The following DNAL1 variants were observed in gnomAD, a reference collection of about 807,000 sequenced individuals.
DNAL1 encodes the protein dynein axonemal light chain 1.
DNAL1 carries 17 observed loss-of-function variants against 29.4 expected under a neutral mutation model. That is an observed-to-expected ratio of 0.58 (90% confidence interval 0.40 to 0.87). The LOEUF (loss-of-function observed/expected upper bound fraction) is 0.87, where lower values mean the gene tolerates loss of function less well. Among genes scored for constraint, DNAL1 ranks in the 40% least tolerant of loss-of-function variants. The pLI is 0.00. For missense variants in DNAL1, 188 were observed against 214.1 expected (o/e 0.88, Z 0.76); for synonymous variants, 78 against 76.3 (o/e 1.02, Z -0.12).
At chr14:73,655,954 A>AT (rs1183659630) in intron 2 of DNAL1, among the ~76,000 whole-genome samples, 3 of 152,228 alleles carry the variant, frequency 2.0e-5, no homozygotes, top group African/African-American at 7.2e-5. Context: ...TATAGACAGA[A>AT]TTTCTATAGA....
At chr14:73,671,378 A>G (rs954562341) in intron 4 of DNAL1, among the ~76,000 whole-genome samples, 164 bp from the exon 5 acceptor site, 4 of 152,162 alleles carry the variant, frequency 2.6e-5, no homozygotes, top group African/African-American at 4.8e-5. Context: ...TGATAGGTCA[A>G]TGTTATTTCT....
At chr14:73,688,034 G>A (rs62004933) in intron 6 of DNAL1, among the ~76,000 whole-genome samples, 10 of 151,654 alleles carry the variant, frequency 6.6e-5, no homozygotes, top group African/African-American at 2.4e-4. Context: ...AAAAAATTAG[G>A]ATGAACGTAA....
At chr14:73,649,428 G>A (rs370132953) in intron 1 of DNAL1, among the ~76,000 whole-genome samples, 22 of 150,974 alleles carry the variant, frequency 1.5e-4, no homozygotes, top group African/African-American at 3.1e-4. Context: ...GACTACAGGC[G>A]CCTGCCACCA....
At chr14:73,650,664 G>A (rs1022848741) in intron 1 of DNAL1, among the ~76,000 whole-genome samples, 1 of 151,454 alleles carries the variant, frequency 6.6e-6, no homozygotes, top group African/African-American at 2.4e-5. Flanking sequence ...TTTTGGAGAC[G>A]GGAGTCTTGC....
intron 6 of DNAL1, among the ~76,000 whole-genome samples, chr14:73,689,026 G>GTTTTTT (rs71112794): frequency 2.2e-5 from 2 of 92,246 alleles, no homozygotes; most frequent in Non-Finnish European, 3.8e-5. Context: ...AAAACTTGCT[G>GTTTTTT]TTTTTTTTTT....
intron 7 of DNAL1, among the ~76,000 whole-genome samples, chr14:73,694,277 AATAAATAAAT>A (rs1185639651): frequency 6.8e-6 from 1 of 146,786 alleles, no homozygotes; most frequent in Non-Finnish European, 1.5e-5. Context: ...TAAATAAATA[AATAAATAAAT>A]AAAGTCTTCA....
At chr14:73,694,538 A>G (rs940104456) in intron 7 of DNAL1, among the ~76,000 whole-genome samples, 1 of 54,520 alleles carries the variant, frequency 1.8e-5, no homozygotes, top group Admixed American at 1.9e-4. Flanking sequence ...TGTTTCCTCT[A>G]CAGTGATTTT....
At chr14:73,654,922 A>G (rs781218978) in intron 2 of DNAL1, 37 bp downstream of exon 2, 9 of 1,532,770 alleles carry the variant, frequency 5.9e-6, no homozygotes, top group South Asian at 1.3e-5. Context: ...TAGAAACTGT[A>G]CAAGGAAAAA....
At chr14:73,648,033 A>G (rs761905848) in intron 1 of DNAL1, among the ~76,000 whole-genome samples, 4 of 152,240 alleles carry the variant, frequency 2.6e-5, no homozygotes, top group Admixed American at 6.5e-5. Flanking sequence ...GCTGGAGTGC[A>G]GTGGCACAAT....
At chr14:73,649,769 G>T (rs1476686724) in intron 1 of DNAL1, among the ~76,000 whole-genome samples, 1 of 151,572 alleles carries the variant, frequency 6.6e-6, no homozygotes, top group Non-Finnish European at 1.5e-5. Flanking sequence ...TTTTCTTATT[G>T]TATGCAGTTC....
intron 5 of DNAL1, among the ~76,000 whole-genome samples, chr14:73,685,966 C>G (rs1476598619): frequency 1.3e-5 from 2 of 152,012 alleles, no homozygotes; most frequent in African/African-American, 4.8e-5. Context: ...TGGCTGGATC[C>G]CCTGTTAAGT....
At chr14:73,681,555 G>T (rs1363436982) in intron 5 of DNAL1, among the ~76,000 whole-genome samples, 1 of 136,646 alleles carries the variant, frequency 7.3e-6, no homozygotes, top group Non-Finnish European at 1.5e-5. Flanking sequence ...ATCACTTAAG[G>T]CCAGTAGTTG....
At chr14:73,648,246 G>A (rs1258582391) in intron 1 of DNAL1, among the ~76,000 whole-genome samples, 1 of 151,534 alleles carries the variant, frequency 6.6e-6, no homozygotes, top group African/African-American at 2.4e-5. Flanking sequence ...CCAAAATGGT[G>A]GGATTGCAGG....
chr14:73,697,311 G>A lies in DNAL1; in HGVS notation c.*1369G>A, dbSNP rs1315262753. 2.0e-5 allele frequency: 3 copies of A among 152,156 alleles called. No homozygotes were observed. Among genetic ancestry groups the A allele is most frequent in the Non-Finnish European group, 4.4e-5 (3 of 68,038 alleles). 9.4% of individuals were successfully genotyped at this position (152,156 alleles called of 1,614,324 possible). A position where few individuals can be genotyped will look rare whatever the true frequency, so the allele number is the denominator to read the frequency against. On this transcript the variant is annotated 3_prime_UTR_variant, in exon 8 of 8. Transcript: ENST00000553645. Reference sequence around the variant, plus strand: ...TTGCATAAAATCACAGTGAAAGAGGGAAGAATCATCTTTAAAAAGTGATTG... The same window carrying A: ...TTGCATAAAATCACAGTGAAAGAGGAAAGAATCATCTTTAAAAAGTGATTG...
chr14:73,690,179 A>G (rs1407581900), intron 7 of DNAL1, among the ~76,000 whole-genome samples: 2 of 152,170 alleles, frequency 1.3e-5, no homozygotes, highest in Non-Finnish European at 2.9e-5. Context: ...CAGCCTTTGC[A>G]ATATAGTGAG....
chr14:73,694,355 G>A (rs1892248669), intron 7 of DNAL1, among the ~76,000 whole-genome samples: 1 of 152,160 alleles, frequency 6.6e-6, no homozygotes, highest in Non-Finnish European at 1.5e-5. Context: ...CAGTAGGCCA[G>A]AGGTAAAAGT....
chr14:73,664,658 T>C (rs551018323), intron 4 of DNAL1, among the ~76,000 whole-genome samples: 1 of 152,018 alleles, frequency 6.6e-6, no homozygotes, highest in East Asian at 1.9e-4. Flanking sequence ...CACTTAAGCT[T>C]AGGAGTTCGA....
intron 4 of DNAL1, among the ~76,000 whole-genome samples, chr14:73,665,218 A>C (rs954393414): frequency 6.6e-6 from 1 of 152,078 alleles, no homozygotes; most frequent in Admixed American, 6.6e-5. Context: ...ACCTTACTCA[A>C]AGTTGGCATT....
At chr14:73,654,820 TTTTC>T (rs755674439) in intron 1 of DNAL1, 23 bp from the exon 2 acceptor site, 217 of 1,507,674 alleles carry the variant, frequency 1.4e-4, no homozygotes, top group East Asian at 2.5e-4. Context: ...TTGTTTTTTC[TTTTC>T]TTTCTTTTTT....
Sources: allele counts gnomAD v4.1 joint callset (sites outside exome capture counted in the v4.1 genomes callset), GRCh38; gene constraint gnomAD v4.1.1; transcripts MANE v1.5; gene names NCBI Gene and HGNC (gene_info 2026-07-23, HGNC 2026-07-21).